Variants in ERLEC1 observed in about 807,000 individuals in gnomAD.
ERLEC1 encodes endoplasmic reticulum lectin 1.
In ERLEC1, 47 loss-of-function variants were observed where a neutral mutation model predicts 68.0. The observed-to-expected ratio is 0.69, with a 90% CI of 0.55 to 0.88. The LOEUF is 0.88. ERLEC1 is among the 40% of genes least tolerant of loss of function. The pLI is 0.00. For synonymous variants in ERLEC1, 225 were observed against 203.2 expected (o/e 1.11, Z -0.91); for missense variants, 567 against 583.8 (o/e 0.97, Z 0.30).
intron 13 of ERLEC1, among the ~76,000 whole-genome samples, chr2:53,816,426 G>A (rs377136527): frequency 1.3e-5 from 2 of 151,672 alleles, no homozygotes; most frequent in African/African-American, 2.4e-5. Context: ...ATGGTACCAC[G>A]TCCGGCTAAT....
intron 11 of ERLEC1, 25 bp downstream of exon 11, chr2:53,813,098 T>C (rs768216021): frequency 1.3e-6 from 2 of 1,592,516 alleles, no homozygotes; most frequent in Non-Finnish European, 8.5e-7. Flanking sequence ...TACTTGCCTT[T>C]GGAGCTAATT....
At chr2:53,806,323 G>C (rs751284451) in intron 8 of ERLEC1, among the ~76,000 whole-genome samples, 60 of 152,222 alleles carry the variant, frequency 3.9e-4, no homozygotes, top group Admixed American at 1.2e-3. Context: ...GTAATAAAGG[G>C]TCATGCTTCT....
chr2:53,812,586 C>T (rs563360435), intron 10 of ERLEC1, among the ~76,000 whole-genome samples: 29 of 152,142 alleles, frequency 1.9e-4, no homozygotes, highest in South Asian at 6.2e-4. Flanking sequence ...AGAGATTAAA[C>T]TCTTGGTTGT....
chr2:53,787,462 A>G, intron 1 of ERLEC1, 90 bp downstream of exon 1: 2 of 1,454,048 alleles, frequency 1.4e-6, no homozygotes, highest in Non-Finnish European at 1.8e-6. Flanking sequence ...TTTTCTCCCC[A>G]AGACCTTCTC....
intron 2 of ERLEC1, 84 bp from the exon 3 acceptor site, chr2:53,795,849 T>G: frequency 1.2e-6 from 1 of 848,378 alleles, no homozygotes; most frequent in South Asian, 1.6e-5. Flanking sequence ...CATTTGTGAT[T>G]TGAGTAATGA....
In ERLEC1 at chr2:53,787,068, G is replaced by C; in HGVS notation, c.-143G>C. 1 of 1,193,410 alleles carries C rather than the reference G, an allele frequency of 8.4e-7. No individual in the cohort carries two copies. The highest frequency in any genetic ancestry group is 1.1e-6 in the Non-Finnish European group (1 of 892,262). 73.9% of individuals were successfully genotyped at this position (1,193,410 alleles called of 1,614,324 possible). A position where few individuals can be genotyped will look rare whatever the true frequency, so the allele number is the denominator to read the frequency against. On this transcript the variant is annotated 5_prime_UTR_variant, in exon 1 of 14. Transcript: ENST00000185150. ...CGGAGGCGGCGTTGCCGGGCTCTCCGGAAGGAGACGTGGCGGCGGTTGGGC... is the reference window on the plus strand; with the variant it reads ...CGGAGGCGGCGTTGCCGGGCTCTCCCGAAGGAGACGTGGCGGCGGTTGGGC...
At chr2:53,815,282 A>C (rs957802436) in intron 13 of ERLEC1, among the ~76,000 whole-genome samples, 1 of 152,096 alleles carries the variant, frequency 6.6e-6, no homozygotes, top group Non-Finnish European at 1.5e-5. Context: ...CTGGGATTAC[A>C]GGTGTGAGCC....
At chr2:53,789,756 C>T (rs927511660) in intron 1 of ERLEC1, among the ~76,000 whole-genome samples, 7 of 152,068 alleles carry the variant, frequency 4.6e-5, no homozygotes, top group Non-Finnish European at 1.0e-4. Context: ...CAGTGGCTGA[C>T]GCCTATAATC....
At chr2:53,802,340 T>C (rs887910940) in intron 8 of ERLEC1, among the ~76,000 whole-genome samples, 1 of 152,234 alleles carries the variant, frequency 6.6e-6, no homozygotes, top group East Asian at 1.9e-4. Context: ...TCTTGCCTTC[T>C]CCTGTGTTCT....
At chr2:53,791,140 C>A (rs928551370) in intron 1 of ERLEC1, among the ~76,000 whole-genome samples, 1 of 152,232 alleles carries the variant, frequency 6.6e-6, no homozygotes, top group Non-Finnish European at 1.5e-5. Flanking sequence ...CATCCTCTAA[C>A]CAACCTAATT....
chr2:53,807,114 G>A (rs2287344), intron 8 of ERLEC1, among the ~76,000 whole-genome samples: 11,930 of 152,166 alleles, frequency 0.078, 515 homozygotes, highest in East Asian at 0.18. Flanking sequence ...CCTATAAAAT[G>A]ATGTCCAAAC....
chr2:53,797,407 A>G (rs1219485917), intron 3 of ERLEC1, 108 bp from the exon 4 acceptor site: 1 of 731,850 alleles, frequency 1.4e-6, no homozygotes, highest in African/African-American at 1.8e-5. Context: ...CATTTAATGA[A>G]AGCTTACTCT....
intron 12 of ERLEC1, 52 bp downstream of exon 12, chr2:53,814,672 C>T (rs777374138): frequency 2.2e-6 from 3 of 1,342,730 alleles, no homozygotes; most frequent in Middle Eastern, 1.8e-4. Context: ...TAACTGCTTC[C>T]TATGGACAAA....
In ERLEC1 at chr2:53,795,960, A is replaced by T. The variant is rs1489463321; in HGVS notation, c.295A>T (p.Asn99Tyr). 6.2e-7 allele frequency: 1 copy of T among 1,604,082 alleles called. No individual in the cohort carries two copies. Among genetic ancestry groups the T allele is most frequent in the Non-Finnish European group, 8.5e-7 (1 of 1,176,616 alleles). The change falls in exon 3 of 14, where the codon AAT becomes TAT. Residue 99 changes from asparagine to tyrosine, a missense_variant. Asn to Tyr is a moderately radical substitution (Grantham distance 143). Transcript: ENST00000185150. ...AGAAGAAAAGGATTATAAAGGCCCT[A>T]ATCCAAGAGAGCTTTTGGAGCCACT... Reference protein sequence around the residue: ...EEEEKDYKGPNPRELLEPLFK... With the variant: ...EEEEKDYKGPYPRELLEPLFK...
In ERLEC1 at chr2:53,809,286, A is replaced by G. The variant is rs2104327114; in HGVS notation, c.1101+13A>G. ...TCAATACCATGAGGTATAGAATAGC[A>G]TTTATATATCATTCTACCACTAGAT... On this transcript the variant is annotated intron_variant, in intron 10 of 13. Transcript: ENST00000185150. The G allele has an allele frequency of 6.6e-7, 1 of 1,510,838 alleles. No homozygotes were observed. Among genetic ancestry groups the G allele is most frequent in the South Asian group, 1.3e-5 (1 of 75,476 alleles). 93.6% of individuals were successfully genotyped at this position (1,510,838 alleles called of 1,614,324 possible). A position where few individuals can be genotyped will look rare whatever the true frequency, so the allele number is the denominator to read the frequency against.
intron 6 of ERLEC1, 91 bp from the exon 7 acceptor site, chr2:53,801,306 T>C: frequency 1.2e-6 from 1 of 823,702 alleles, no homozygotes; most frequent in Admixed American, 2.8e-5. Context: ...AAATGTAGTT[T>C]TCTTCCTTTC....
chr2:53,812,074 C>T (rs563337955), intron 10 of ERLEC1, among the ~76,000 whole-genome samples: 4 of 152,276 alleles, frequency 2.6e-5, no homozygotes, highest in East Asian at 1.9e-4. Context: ...TGCGCCAGCA[C>T]GCCCGGCTAA....
At position 53,797,502 on chromosome 2, in the gene ERLEC1, C is replaced by T. The variant is rs772010976; in HGVS notation, c.349-13C>T. The T allele has an allele frequency of 1.9e-6, 3 of 1,595,824 alleles. No homozygotes were observed. Among genetic ancestry groups the T allele is most frequent in the Non-Finnish European group, 2.6e-6 (3 of 1,169,264 alleles). ...GTGGCTTTTGTGCATTGAAATATAT[C>T]CATCTTTTTTAGATTGAGTCTTATT... On this transcript the variant is annotated splice_polypyrimidine_tract_variant and intron_variant, in intron 3 of 13. Coordinates refer to ENST00000185150, the MANE Select transcript of ERLEC1 (RefSeq NM_015701.5).
chr2:53,792,169 G>A (rs964472306), intron 1 of ERLEC1, among the ~76,000 whole-genome samples: 6 of 150,904 alleles, frequency 4.0e-5, no homozygotes, highest in Admixed American at 2.0e-4. Context: ...CGCCCGTTTC[G>A]GCCTCCCAAA....
Sources: gnomAD v4.1 joint callset for allele counts (sites outside exome capture counted in the v4.1 genomes callset) on GRCh38, gnomAD v4.1.1 for gene constraint, MANE v1.5 for transcripts, NCBI Gene and HGNC (gene_info 2026-07-23, HGNC 2026-07-21) for gene names.